Variants in PTPRF observed in about 807,000 individuals in gnomAD.
The protein encoded by PTPRF is receptor-type tyrosine-protein phosphatase F.
In PTPRF, 59 loss-of-function variants were observed where a neutral mutation model predicts 201.8. The ratio of observed to expected loss-of-function variants is 0.29; its 90% CI spans 0.24 to 0.36. The LOEUF (loss-of-function observed/expected upper bound fraction) is 0.36, where lower values mean the gene tolerates loss of function less well. Ranked by LOEUF, PTPRF falls within the 10% of genes least tolerant of loss-of-function variation. The pLI is 1.00. For synonymous variants in PTPRF, 1,088 were observed against 1,089.7 expected, an observed-to-expected ratio of 1.00 and a Z score of 0.03; for missense variants, 2,132 against 2,690.5, an observed-to-expected ratio of 0.79 and a Z score of 4.59.
At chr1:43,535,071 C>A (rs967885885) in intron 1 of PTPRF, among the ~76,000 whole-genome samples, 5 of 152,148 alleles carry the variant, frequency 3.3e-5, no homozygotes, top group Non-Finnish European at 7.3e-5. Flanking sequence ...ACCCTCCCAT[C>A]AGGGGTCACA....
At position 43,623,109 on chromosome 1, in the gene PTPRF, A is replaced by C. The variant is rs910901437; in HGVS notation, c.*1106A>C. On this transcript the variant is annotated 3_prime_UTR_variant, in exon 34 of 34. Coordinates refer to ENST00000359947, the MANE Select transcript of PTPRF (RefSeq NM_002840.5). ...AATAGCACAGGTTAGGGTGTGTGCC[A>C]CACCCCATGCACCTCAGGGCCAAGC... 7 of 152,738 alleles carry C rather than the reference A, an allele frequency of 4.6e-5. No homozygotes were observed. The highest frequency in any genetic ancestry group is 8.8e-5 in the Non-Finnish European group (6 of 68,164). 9.5% of individuals were successfully genotyped at this position (152,738 alleles called of 1,614,324 possible).
chr1:43,529,782 A>T (rs1643293382), upstream of PTPRF, among the ~76,000 whole-genome samples: 1 of 152,208 alleles, frequency 6.6e-6, no homozygotes, highest in African/African-American at 2.4e-5. Context: ...AGGTCTTGGA[A>T]TAAATCTTCA....
chr1:43,614,102 G>A (rs1360717137), intron 23 of PTPRF, among the ~76,000 whole-genome samples: 1 of 152,240 alleles, frequency 6.6e-6, no homozygotes, highest in African/African-American at 2.4e-5. Flanking sequence ...GCCAGCACCG[G>A]TCTGGGCACT....
At chr1:43,581,013 TAC>T (rs1008620106) in intron 7 of PTPRF, among the ~76,000 whole-genome samples, 1 of 152,240 alleles carries the variant, frequency 6.6e-6, no homozygotes, top group African/African-American at 2.4e-5. Flanking sequence ...AAGTCACTGT[TAC>T]ACTGGCCCCA....
rs1421327397 is a variant in PTPRF, at chr1:43,553,415, C to T, written c.92-77C>T. 6.8e-7 allele frequency: 1 copy of T among 1,480,648 alleles called. No homozygotes were observed. The highest frequency in any genetic ancestry group is 9.2e-7 in the Non-Finnish European group (1 of 1,081,336). 91.7% of individuals were successfully genotyped at this position (1,480,648 alleles called of 1,614,324 possible). On this transcript the variant is annotated intron_variant, in intron 3 of 33. Transcript: ENST00000359947. This position sits in a 1 kb window ranked among gnomAD's most constrained non-coding sequence, Gnocchi z 4.1. ...TCTTTGTAGGTCTTTCTCTCTGCCC[C>T]CATGACTGCCACCTTCCTCACTGGC...
At chr1:43,614,666 C>T (rs1032149232) in intron 23 of PTPRF, among the ~76,000 whole-genome samples, 2 of 152,146 alleles carry the variant, frequency 1.3e-5, no homozygotes, top group Non-Finnish European at 2.9e-5. Context: ...GCCTGGCCAC[C>T]GTGGCGAAAC....
intron 5 of PTPRF, among the ~76,000 whole-genome samples, chr1:43,557,975 G>A (rs866366130): frequency 7.2e-5 from 11 of 151,738 alleles, no homozygotes; most frequent in Admixed American, 6.6e-5. Flanking sequence ...CCCCTGCCCC[G>A]CCTCACCCCA....
chr1:43,573,977 C>CTTTTTTTTTTTTTTTT (rs77543816), intron 6 of PTPRF, among the ~76,000 whole-genome samples: 2 of 63,918 alleles, frequency 3.1e-5, no homozygotes, highest in Non-Finnish European at 5.4e-5. Flanking sequence ...TGTGTGGGTT[C>CTTTTTTTTTTTTTTTT]TTTTTTTTTT....
At chr1:43,609,542 C>CT in intron 22 of PTPRF, 44 bp downstream of exon 22, 1 of 1,504,352 alleles carries the variant, frequency 6.6e-7, no homozygotes, top group Non-Finnish European at 9.2e-7. Flanking sequence ...CCAGACCTAG[C>CT]AGGCCTGTGG....
At chr1:43,585,276 G>A (rs1244203668) in intron 7 of PTPRF, among the ~76,000 whole-genome samples, 1 of 152,196 alleles carries the variant, frequency 6.6e-6, no homozygotes, top group Non-Finnish European at 1.5e-5. Context: ...TGTTGGCATG[G>A]GGGTGGCTGT....
chr1:43,565,255 C>T (rs1646078917), intron 5 of PTPRF, among the ~76,000 whole-genome samples: 1 of 152,136 alleles, frequency 6.6e-6, no homozygotes, highest in African/African-American at 2.4e-5. Context: ...ACTTCTGAAC[C>T]TTGGATTCCC....
At chr1:43,547,740 A>C (rs1331846729) in intron 3 of PTPRF, among the ~76,000 whole-genome samples, 1 of 152,102 alleles carries the variant, frequency 6.6e-6, no homozygotes, top group East Asian at 1.9e-4. Context: ...GCGGGTGGAG[A>C]AGCAGCTGCC....
upstream of PTPRF, among the ~76,000 whole-genome samples, chr1:43,522,393 G>T (rs1043294430): frequency 6.6e-6 from 1 of 152,040 alleles, no homozygotes; most frequent in Non-Finnish European, 1.5e-5. Context: ...TCCTTTGTGG[G>T]CTCTTCTGCC....
chr1:43,622,179 A>G lies in PTPRF; in HGVS notation c.*176A>G, dbSNP rs1659369276. 1.5e-6 allele frequency: 1 copy of G among 681,904 alleles called. No individual in the cohort carries two copies. The highest frequency in any genetic ancestry group is 2.5e-6 in the Non-Finnish European group (1 of 401,884). The allele number at this position is 681,904 out of a possible 1,614,324, so 42.2% of individuals were successfully genotyped here. ...TTGCCACACCAATCAGAGAGCCTAG[A>G]ACATCCCTGGGCAAGTGGATGGCCC... On this transcript the variant is annotated 3_prime_UTR_variant, in exon 34 of 34. Transcript: ENST00000359947.
chr1:43,587,164 G>C (rs1036275587), intron 7 of PTPRF, among the ~76,000 whole-genome samples: 1 of 152,160 alleles, frequency 6.6e-6, no homozygotes, highest in East Asian at 1.9e-4. Context: ...AGGGTCTCTT[G>C]GGCTGGGCAG....
intron 12 of PTPRF, 29 bp downstream of exon 12, chr1:43,598,082 A>G: frequency 6.9e-7 from 1 of 1,449,536 alleles, no homozygotes. Context: ...GCGGGAGGGG[A>G]GGCGTTCTGC....
At chr1:43,617,610 C>T in intron 24 of PTPRF, 42 bp downstream of exon 24, 1 of 1,612,254 alleles carries the variant, frequency 6.2e-7, no homozygotes, top group Non-Finnish European at 8.5e-7. Context: ...TGCTCTCCCC[C>T]TTGCTAGCTA....
chr1:43,562,329 T>G (rs903160260), intron 5 of PTPRF, among the ~76,000 whole-genome samples: 5 of 152,084 alleles, frequency 3.3e-5, no homozygotes, highest in Admixed American at 6.5e-5. Flanking sequence ...AGGATGGTCT[T>G]GACCTCCTGA....
In PTPRF at chr1:43,591,159, C is replaced by T; in HGVS notation, c.1137C>T (p.Leu379=). 5 of 1,613,322 alleles carry T rather than the reference C, an allele frequency of 3.1e-6. No individual in the cohort carries two copies. Among genetic ancestry groups the T allele is most frequent in the Non-Finnish European group, 8.5e-7 (1 of 1,179,964 alleles). Residue 379 remains leucine, a synonymous_variant, in exon 9 of 34, where the codon CTC becomes CTT. Coordinates refer to ENST00000359947, the MANE Select transcript of PTPRF (RefSeq NM_002840.5). ...VATTRYSIGG[L]SPFSEYAFRV... ...CCACCCGCTACAGCATTGGCGGCCT[C>T]AGCCCTTTCTCGGAATATGCCTTCC...
Sources: gnomAD v4.1 joint callset for allele counts (sites outside exome capture counted in the v4.1 genomes callset) on GRCh38, gnomAD v4.1.1 for gene constraint, Gnocchi (gnomAD v3.1) non-coding constraint, MANE v1.5 for transcripts, NCBI Gene and HGNC (gene_info 2026-07-23, HGNC 2026-07-21) for gene names.